ZNF37A: variants seen among roughly 807,000 people sequenced by gnomAD.
The protein encoded by ZNF37A is zinc finger protein 37a (KOX 21).
Under a neutral mutation model 12.3 loss-of-function variants are expected in ZNF37A, and 10 were observed. That is an observed-to-expected ratio of 0.82 (90% confidence interval 0.50 to 1.38). ZNF37A has a LOEUF of 1.38. Ranked by LOEUF, ZNF37A falls within the 40% of genes most tolerant of loss-of-function variation. ZNF37A has a pLI of 0.00. For synonymous variants in ZNF37A, 207 were observed against 223.0 expected (o/e 0.93, Z 0.64); for missense variants, 580 against 651.2 (o/e 0.89, Z 1.19).
chr10:38,126,667 G>C (rs1422236997), downstream of ZNF37A, among the ~76,000 whole-genome samples: 4 of 152,202 alleles, frequency 2.6e-5, no homozygotes, highest in Non-Finnish European at 5.9e-5. Flanking sequence ...ATGTTATCCA[G>C]TTTTGTCTAG....
chr10:38,103,920 G>A (rs200904887), intron 5 of ZNF37A, among the ~76,000 whole-genome samples: 4 of 152,288 alleles, frequency 2.6e-5, no homozygotes, highest in Admixed American at 2.6e-4. Flanking sequence ...GTAATGGCTT[G>A]CCAGGCCATT....
chr10:38,118,137 G>A lies in ZNF37A; in HGVS notation c.986G>A (p.Cys329Tyr). Residue 329 changes from cysteine (C) to tyrosine (Y), a missense_variant, in exon 8 of 8, where the codon TGT becomes TAT. Physicochemically the swap from Cys to Tyr is radical, Grantham distance 194. Coordinates refer to ENST00000685332, the MANE Select transcript of ZNF37A (RefSeq NM_001324250.3). ...CATACAGGGGAGAGACCTTATGGAT[G>A]TCATGAATGTGGGAAATCCTTCAGT... Reference protein sequence around the residue: ...RIHTGERPYGCHECGKSFSEK... With the variant: ...RIHTGERPYGYHECGKSFSEK... 6.2e-7 allele frequency: 1 copy of A among 1,613,912 alleles called. No homozygotes were observed. Among genetic ancestry groups the A allele is most frequent in the Non-Finnish European group, 8.5e-7 (1 of 1,179,892 alleles).
intron 7 of ZNF37A, chr10:38,144,241 T>C (rs1364884296): frequency 6.6e-6 from 1 of 152,132 alleles, no homozygotes; most frequent in Non-Finnish European, 1.5e-5. Context: ...AGTTGTATCG[T>C]AATGTATTTA....
chr10:38,133,479 T>C (rs1306954133), intron 7 of ZNF37A, among the ~76,000 whole-genome samples: 7 of 71,428 alleles, frequency 9.8e-5, no homozygotes, highest in Non-Finnish European at 1.8e-4. Flanking sequence ...CCCCACCCCA[T>C]GACAGGCCCC....
At chr10:38,135,994 T>A (rs2070102575) in intron 7 of ZNF37A, among the ~76,000 whole-genome samples, 1 of 152,202 alleles carries the variant, frequency 6.6e-6, no homozygotes, top group Non-Finnish European at 1.5e-5. Context: ...CCTGAAGGAA[T>A]CTCTTTAGCA....
intron 5 of ZNF37A, among the ~76,000 whole-genome samples, chr10:38,112,788 T>TCTTGTCTTGTCTTGTCTTGTCTTG (rs1564932518): frequency 2.7e-5 from 3 of 111,434 alleles, no homozygotes; most frequent in African/African-American, 6.8e-5. Context: ...TTCTTTTCTT[T>TCTTGTCTTGTCTTGTCTTGTCTTG]TCTTTTCTTG....
intron 5 of ZNF37A, among the ~76,000 whole-genome samples, chr10:38,110,050 A>G (rs947671525): frequency 6.6e-6 from 1 of 152,258 alleles, no homozygotes; most frequent in Non-Finnish European, 1.5e-5. Flanking sequence ...TTCTAAGCCA[A>G]AAGAACAAAG....
intron 7 of ZNF37A, among the ~76,000 whole-genome samples, chr10:38,134,180 A>G (rs1338924636): frequency 6.6e-6 from 1 of 152,194 alleles, no homozygotes; most frequent in East Asian, 1.9e-4. Flanking sequence ...CTAGTTAGCC[A>G]TTCGTCCAAT....
At chr10:38,149,912 T>C (rs1411480269) in exon 8 of ZNF37A, 1 of 152,250 alleles carries the variant, frequency 6.6e-6, no homozygotes, top group Non-Finnish European at 1.5e-5. Flanking sequence ...TTTGCTCTTC[T>C]GCACAAAATT....
In ZNF37A at chr10:38,121,309, CT is replaced by C. The variant is rs2069682501; in HGVS notation, c.*2473del. 2 of 152,066 alleles carry C rather than the reference CT, an allele frequency of 1.3e-5. No individual in the cohort carries two copies. Among genetic ancestry groups the C allele is most frequent in the African/African-American group, 4.8e-5 (2 of 41,406 alleles). The allele number at this position is 152,066 out of a possible 1,614,324, so 9.4% of individuals were successfully genotyped here. A position where few individuals can be genotyped will look rare whatever the true frequency, so the allele number is the denominator to read the frequency against. ...AAAAACATCTAGCCATATCCATAAACTATATCATCACCAAGAGATGTTTATT... is the reference window on the plus strand; with the variant it reads ...AAAAACATCTAGCCATATCCATAAACATATCATCACCAAGAGATGTTTATT... On this transcript the variant is annotated 3_prime_UTR_variant, in exon 8 of 8. Transcript: ENST00000685332.
At chr10:38,095,262 C>T (rs1376940604) in intron 2 of ZNF37A, 38 bp downstream of exon 2, 1 of 152,268 alleles carries the variant, frequency 6.6e-6, no homozygotes, top group Non-Finnish European at 1.5e-5. Context: ...GCCCAGGGGC[C>T]CTCCTAGGAG....
chr10:38,130,803 T>C (rs960569437), intron 7 of ZNF37A, among the ~76,000 whole-genome samples: 1 of 152,148 alleles, frequency 6.6e-6, no homozygotes, highest in African/African-American at 2.4e-5. Context: ...CTGCACCATT[T>C]TACATTCCCA....
In ZNF37A at chr10:38,123,041, G is replaced by C. The variant is rs1279734453; in HGVS notation, c.*4204G>C. 1 of 152,348 alleles carries C rather than the reference G, an allele frequency of 6.6e-6. No homozygotes were observed. Among genetic ancestry groups the C allele is most frequent in the Non-Finnish European group, 1.5e-5 (1 of 68,062 alleles). The allele number at this position is 152,348 out of a possible 1,614,324, so 9.4% of individuals were successfully genotyped here. On this transcript the variant is annotated 3_prime_UTR_variant, in exon 8 of 8. Coordinates refer to ENST00000685332, the MANE Select transcript of ZNF37A (RefSeq NM_001324250.3). Reference sequence around the variant, plus strand: ...TACAGGAAGCATGGTGCTAACATCTGATCAGCTTGTAGGGAGGCATCAGGA... The same window carrying C: ...TACAGGAAGCATGGTGCTAACATCTCATCAGCTTGTAGGGAGGCATCAGGA...
At chr10:38,149,171 G>GCTTAACCT (rs2070294820) in exon 8 of ZNF37A, 1 of 152,050 alleles carries the variant, frequency 6.6e-6, no homozygotes, top group African/African-American at 2.4e-5. Flanking sequence ...CAAAATGATA[G>GCTTAACCT]CTTAACCTAT....
At chr10:38,128,134 A>T (rs1444899530), downstream of ZNF37A, among the ~76,000 whole-genome samples, 1 of 152,182 alleles carries the variant, frequency 6.6e-6, no homozygotes, top group Admixed American at 6.5e-5. Flanking sequence ...ACATGGAAAG[A>T]TATCTGCACT....
intron 5 of ZNF37A, among the ~76,000 whole-genome samples, chr10:38,107,124 A>G (rs1262227493): frequency 2.0e-5 from 3 of 152,208 alleles, no homozygotes; most frequent in Non-Finnish European, 4.4e-5. Flanking sequence ...GTCACCCACA[A>G]AGGGAAGTCC....
chr10:38,129,319 A>AAC (rs1554785460), downstream of ZNF37A, among the ~76,000 whole-genome samples: 17 of 116,228 alleles, frequency 1.5e-4, 2 homozygotes, highest in South Asian at 2.2e-4. Flanking sequence ...AAAAAAAAAA[A>AAC]AAACTATTAT....
At chr10:38,142,705 G>A (rs1476787542) in intron 7 of ZNF37A, 2 of 152,156 alleles carry the variant, frequency 1.3e-5, no homozygotes, top group Non-Finnish European at 2.9e-5. Flanking sequence ...GTTTTAGAAT[G>A]TATGGGTTTC....
At position 38,095,078 on chromosome 10, in the gene ZNF37A, G is replaced by GT. The variant is rs2067040709; in HGVS notation, c.-343dup. On this transcript the variant is annotated 5_prime_UTR_variant, in exon 2 of 8. Transcript: ENST00000685332. ...CCTCCGGCACTGTCCAGCCTCGCCTGTGTCCCCATTAGCACCAGTGGGCAT... is the reference window on the plus strand; with the variant it reads ...CCTCCGGCACTGTCCAGCCTCGCCTGTTGTCCCCATTAGCACCAGTGGGCAT... 1 of 152,620 alleles carries GT rather than the reference G, an allele frequency of 6.6e-6. No individual in the cohort carries two copies. Among genetic ancestry groups the GT allele is most frequent in the Non-Finnish European group, 1.5e-5 (1 of 68,322 alleles). The allele number at this position is 152,620 out of a possible 1,614,324, so 9.5% of individuals were successfully genotyped here. A position where few individuals can be genotyped will look rare whatever the true frequency, so the allele number is the denominator to read the frequency against.
Sources: allele counts gnomAD v4.1 joint callset (sites outside exome capture counted in the v4.1 genomes callset), GRCh38; gene constraint gnomAD v4.1.1; transcripts MANE v1.5; gene names NCBI Gene and HGNC (gene_info 2026-07-23, HGNC 2026-07-21).